The following FBXO8 variants were observed in gnomAD, a reference collection of about 807,000 sequenced individuals.
The protein encoded by FBXO8 is F-box protein 8, also known as F-box only protein 8.
A neutral mutation model predicts 33.4 loss-of-function variants in FBXO8; 15 were observed. That is an observed-to-expected ratio of 0.45 (90% CI 0.30 to 0.69). The LOEUF (loss-of-function observed/expected upper bound fraction) is 0.69, where lower values mean the gene tolerates loss of function less well. FBXO8 is among the 30% of genes least tolerant of loss of function. The pLI, the probability that FBXO8 is intolerant of heterozygous loss-of-function variation, is 0.08. For synonymous variants in FBXO8, 132 were observed against 131.5 expected (o/e 1.00, Z -0.02); for missense variants, 274 against 380.3 (o/e 0.72, Z 2.32).
At chr4:174,238,022 A>G (rs1290287347) in intron 5 of FBXO8, among the ~76,000 whole-genome samples, 1 of 152,060 alleles carries the variant, frequency 6.6e-6, no homozygotes, top group East Asian at 1.9e-4. Flanking sequence ...CTAAAAAAAA[A>G]TTTATATAGA....
intron 1 of FBXO8, chr4:174,268,909 C>G (rs574809249): frequency 6.6e-6 from 1 of 152,190 alleles, no homozygotes; most frequent in African/African-American, 2.4e-5. Flanking sequence ...TCAGCTCTTG[C>G]GCATGTTTGC....
rs771455176 is a variant in FBXO8 at position 174,275,502 on chromosome 4, T to G, written c.-9+7908A>C. 1.3e-5 allele frequency among the ~76,000 whole-genome samples: 2 copies of G among 152,110 alleles called. No homozygotes were observed. The highest frequency in any genetic ancestry group is 2.4e-5 in the African/African-American group (1 of 41,404). ...TGACTCTATATTTCTTGAGACTGCA[T>G]GTACATCTACAATTATCTTAAAAAA... On this transcript the variant is annotated intron_variant, in intron 1 of 5. Coordinates refer to ENST00000393674, the MANE Select transcript of FBXO8 (RefSeq NM_012180.3). This position sits in a 1 kb window ranked among gnomAD's most constrained non-coding sequence, Gnocchi z 4.4.
intron 1 of FBXO8, among the ~76,000 whole-genome samples, chr4:174,282,423 G>C (rs1253709030): frequency 6.6e-6 from 1 of 152,148 alleles, no homozygotes; most frequent in Non-Finnish European, 1.5e-5. Context: ...CCCAGCAATA[G>C]ACAACTAATG....
intron 3 of FBXO8, among the ~76,000 whole-genome samples, chr4:174,258,491 T>C (rs1431723312): frequency 6.6e-6 from 1 of 152,172 alleles, no homozygotes; most frequent in Non-Finnish European, 1.5e-5. Context: ...TTGCTATTCA[T>C]TGACAGTAAT....
chr4:174,250,652 T>C (rs1402786044), intron 3 of FBXO8, among the ~76,000 whole-genome samples: 1 of 152,136 alleles, frequency 6.6e-6, no homozygotes, highest in Non-Finnish European at 1.5e-5. Context: ...GTTAGCTGGT[T>C]TTAAAAAATG....
Position 174,256,064 on chromosome 4 carries a change from C to T in FBXO8, c.456+3635G>A. ...AGATGTTCTCCCCCACCCCATGAGC[C>T]ACTGCCAGCAGCTGCTGTGGAGCTT... On this transcript the variant is annotated intron_variant, in intron 3 of 5. Transcript: ENST00000393674. The surrounding 1 kb of genome is among the most constrained non-coding windows in gnomAD (Gnocchi z 4.6). The T allele has an allele frequency of 2.2e-6, 1 of 456,018 alleles. No individual in the cohort carries two copies. Among genetic ancestry groups the T allele is most frequent in the South Asian group, 1.5e-5 (1 of 64,520 alleles). The allele number at this position is 456,018 out of a possible 1,614,324, so 28.2% of individuals were successfully genotyped here.
rs1736825510 is a variant in FBXO8 at position 174,270,968 on chromosome 4, A to T, written c.-8-7868T>A. On this transcript the variant is annotated intron_variant, in intron 1 of 5. Coordinates refer to ENST00000393674, the MANE Select transcript of FBXO8 (RefSeq NM_012180.3). The surrounding 1 kb of genome is among the most constrained non-coding windows in gnomAD (Gnocchi z 4.6). ...TTGCAATTTGTAAGATATCAATTGG[A>T]CAGGAAACAGAAGAAACAATTTTTG... Among the ~76,000 whole-genome samples the T allele has an allele frequency of 1.3e-5, 2 of 152,204 alleles. No individual in the cohort carries two copies.
chr4:174,277,272 A>T lies in FBXO8; in HGVS notation c.-9+6138T>A, dbSNP rs1447107888. Among the ~76,000 whole-genome samples the T allele has an allele frequency of 6.6e-6, 1 of 152,160 alleles. No individual in the cohort carries two copies. The highest frequency in any genetic ancestry group is 1.5e-5 in the Non-Finnish European group (1 of 67,996). ...TATTCAAAATAGTAGACTATTTCTT[A>T]AAAAGACTAAAATACAAGTTTTATT... is the stretch of plus-strand genomic sequence containing the variant. On this transcript the variant is annotated intron_variant, in intron 1 of 5. Coordinates refer to ENST00000393674, the MANE Select transcript of FBXO8 (RefSeq NM_012180.3). This position sits in a 1 kb window ranked among gnomAD's most constrained non-coding sequence, Gnocchi z 4.9.
At position 174,241,626 on chromosome 4, in the gene FBXO8, T is replaced by C. The variant is rs1033534014; in HGVS notation, c.457-408A>G. 1.3e-5 allele frequency among the ~76,000 whole-genome samples: 2 copies of C among 151,100 alleles called. No homozygotes were observed. The highest frequency in any genetic ancestry group is 4.8e-5 in the African/African-American group (2 of 41,238). On this transcript the variant is annotated intron_variant, in intron 3 of 5. Coordinates refer to ENST00000393674, the MANE Select transcript of FBXO8 (RefSeq NM_012180.3). This position sits in a 1 kb window ranked among gnomAD's most constrained non-coding sequence, Gnocchi z 4.2. ...TAAAGCTCACATATATATTGCAGTA[T>C]GCCTTTCAAGGAAAGAGCTTCTTGA...
Position 174,237,686 on chromosome 4 carries a change from A to G in FBXO8, c.773-87T>C, listed in dbSNP as rs547684981. ...ATTATATAAGGCAAAAATGTTCATA[A>G]TTTCAAGATATCAAGATTAGCTCAT... On this transcript the variant is annotated intron_variant, in intron 5 of 5. Transcript: ENST00000393674. The surrounding 1 kb of genome is among the most constrained non-coding windows in gnomAD (Gnocchi z 4.4). 1.9e-6 allele frequency: 2 copies of G among 1,081,002 alleles called. No individual in the cohort carries two copies. The highest frequency in any genetic ancestry group is 3.2e-5 in the African/African-American group (2 of 62,710). The allele number at this position is 1,081,002 out of a possible 1,614,324, so 67.0% of individuals were successfully genotyped here.
Position 174,263,072 on chromosome 4 carries a change from T to A in FBXO8, c.21A>T (p.Arg7Ser). ...GTTGCAGCTGCTGGTTTCTGACCAC[T>A]CTCCACAACCCTTGACCCATCTGCA... MGQGLW[R>S]VVRNQQLQQE... Residue 7 changes from arginine (R) to serine (S), a missense_variant, in exon 2 of 6, where the codon AGA (arginine) becomes AGT (serine). Arg to Ser is a moderately radical substitution (Grantham distance 110). Transcript: ENST00000393674. The surrounding 1 kb of genome is among the most constrained non-coding windows in gnomAD (Gnocchi z 4.2). The A allele has an allele frequency of 6.2e-7, 1 of 1,613,760 alleles. No individual in the cohort carries two copies. The highest frequency in any genetic ancestry group is 1.1e-5 in the South Asian group (1 of 91,064).
At chr4:174,244,542 T>C (rs1216778712) in intron 3 of FBXO8, among the ~76,000 whole-genome samples, 1 of 151,688 alleles carries the variant, frequency 6.6e-6, no homozygotes, top group African/African-American at 2.4e-5. Context: ...TTTAGAATTA[T>C]CTAAATTGTT....
intron 1 of FBXO8, among the ~76,000 whole-genome samples, chr4:174,273,462 A>G (rs771823428): frequency 2.0e-5 from 3 of 152,150 alleles, no homozygotes; most frequent in Non-Finnish European, 4.4e-5. Context: ...ATTGAGATAA[A>G]TAAGAAACTA....
Position 174,254,183 on chromosome 4 carries a change from C to A in FBXO8, c.456+5516G>T, listed in dbSNP as rs1560869212. ...GAAGGGTGCTGAGAACTCAATTCTT[C>A]CTAGCTAGATCTTAGTTTATATCAC... On this transcript the variant is annotated intron_variant, in intron 3 of 5. Transcript: ENST00000393674. This position sits in a 1 kb window ranked among gnomAD's most constrained non-coding sequence, Gnocchi z 4.2. Among the ~76,000 whole-genome samples the A allele has an allele frequency of 6.6e-6, 1 of 152,142 alleles. No homozygotes were observed. Among genetic ancestry groups the A allele is most frequent in the African/African-American group, 2.4e-5 (1 of 41,432 alleles).
At position 174,254,851 on chromosome 4, in the gene FBXO8, A is replaced by G. The variant is rs1054765377; in HGVS notation, c.456+4848T>C. On this transcript the variant is annotated intron_variant, in intron 3 of 5. Coordinates refer to ENST00000393674, the MANE Select transcript of FBXO8 (RefSeq NM_012180.3). The surrounding 1 kb of genome is among the most constrained non-coding windows in gnomAD (Gnocchi z 4.2). ...TACATCAGATAACTGCAAGTGAACAACAGGGTATTTCAACCATTCTAAAAT... is the reference window on the plus strand; with the variant it reads ...TACATCAGATAACTGCAAGTGAACAGCAGGGTATTTCAACCATTCTAAAAT... Among the ~76,000 whole-genome samples the G allele has an allele frequency of 6.6e-6, 1 of 152,174 alleles. No individual in the cohort carries two copies. The highest frequency in any genetic ancestry group is 2.4e-5 in the African/African-American group (1 of 41,450).
chr4:174,280,063 C>T (rs1007741267), intron 1 of FBXO8, among the ~76,000 whole-genome samples: 19 of 151,646 alleles, frequency 1.3e-4, no homozygotes, highest in Admixed American at 2.0e-4. Context: ...GGCAACCCAC[C>T]GAATGAGAGA....
chr4:174,268,210 T>C (rs906734918), intron 1 of FBXO8, among the ~76,000 whole-genome samples: 1 of 152,214 alleles, frequency 6.6e-6, no homozygotes, highest in Admixed American at 6.5e-5. Context: ...ATTCACAATA[T>C]TTTCATTAAC....
chr4:174,243,313 C>T (rs1736083643), intron 3 of FBXO8, among the ~76,000 whole-genome samples: 1 of 151,192 alleles, frequency 6.6e-6, no homozygotes, highest in African/African-American at 2.4e-5. Context: ...AATAAGCCAA[C>T]TCTATTGGTT....
intron 1 of FBXO8, among the ~76,000 whole-genome samples, chr4:174,271,155 G>A (rs1335129766): frequency 1.3e-5 from 2 of 152,116 alleles, no homozygotes; most frequent in African/African-American, 2.4e-5. Flanking sequence ...AATGAAAACA[G>A]GACATTCATG....
Sources: gnomAD v4.1 joint callset for allele counts (sites outside exome capture counted in the v4.1 genomes callset) on GRCh38, gnomAD v4.1.1 for gene constraint, Gnocchi (gnomAD v3.1) non-coding constraint, MANE v1.5 for transcripts, NCBI Gene and HGNC (gene_info 2026-07-23, HGNC 2026-07-21) for gene names.